Variants in ERC1 observed in about 807,000 individuals in gnomAD.
The protein encoded by ERC1 is ELKS/RAB6-interacting/CAST family member 1.
In ERC1, 56 loss-of-function variants were observed where a neutral mutation model predicts 132.0. The ratio of observed to expected loss-of-function variants is 0.42; its 90% CI spans 0.34 to 0.53. The LOEUF (loss-of-function observed/expected upper bound fraction) is 0.53. Among genes scored for constraint, ERC1 ranks in the 20% least tolerant of loss-of-function variants. ERC1 has a pLI of 0.03. For missense variants in ERC1, 1,202 were observed against 1,349.9 expected, an observed-to-expected ratio of 0.89 and a Z score of 1.72; for synonymous variants, 478 against 476.1, an observed-to-expected ratio of 1.00 and a Z score of -0.05.
At chr12:1,326,932 A>G (rs1035842778) in intron 15 of ERC1, among the ~76,000 whole-genome samples, 5 of 152,108 alleles carry the variant, frequency 3.3e-5, no homozygotes, top group African/African-American at 1.2e-4. Flanking sequence ...ATAATGTATA[A>G]TAAGCTGATG....
At chr12:1,190,365 T>C (rs1299265713) in intron 12 of ERC1, among the ~76,000 whole-genome samples, 1 of 152,198 alleles carries the variant, frequency 6.6e-6, no homozygotes, top group Non-Finnish European at 1.5e-5. Context: ...ATGTCTACTT[T>C]TTAATTTCTC....
At chr12:1,457,516 T>C (rs1202054664) in intron 18 of ERC1, among the ~76,000 whole-genome samples, 1 of 152,142 alleles carries the variant, frequency 6.6e-6, no homozygotes, top group Non-Finnish European at 1.5e-5. Flanking sequence ...ACCGTAAATA[T>C]TGCTACTCAA....
chr12:1,481,512 T>C (rs2094091698), intron 18 of ERC1, among the ~76,000 whole-genome samples: 3 of 152,090 alleles, frequency 2.0e-5, no homozygotes, highest in African/African-American at 7.2e-5. Context: ...CAAGAAAAAA[T>C]AGAATGGATC....
At chr12:1,374,518 T>C (rs2087636629) in intron 16 of ERC1, among the ~76,000 whole-genome samples, 1 of 152,208 alleles carries the variant, frequency 6.6e-6, no homozygotes, top group Non-Finnish European at 1.5e-5. Context: ...ACTCCAGATG[T>C]TCTGTGGTGG....
chr12:1,403,503 G>A (rs1053911862), intron 16 of ERC1, among the ~76,000 whole-genome samples: 1 of 152,106 alleles, frequency 6.6e-6, no homozygotes, highest in Non-Finnish European at 1.5e-5. Context: ...TAACTATGCA[G>A]GGAACAGACT....
At chr12:1,118,512 C>A (rs779177171) in intron 7 of ERC1, among the ~76,000 whole-genome samples, 57 of 152,288 alleles carry the variant, frequency 3.7e-4, no homozygotes, top group Non-Finnish European at 6.0e-4. Flanking sequence ...GTGATTATTT[C>A]TGTAAGTTAC....
chr12:1,420,977 T>G (rs2092405206), intron 17 of ERC1, among the ~76,000 whole-genome samples: 1 of 151,826 alleles, frequency 6.6e-6, no homozygotes, highest in Non-Finnish European at 1.5e-5. Context: ...TCTTTTCCTT[T>G]ATTATTATTT....
chr12:1,278,321 T>A (rs2078425383), intron 14 of ERC1, among the ~76,000 whole-genome samples: 1 of 152,216 alleles, frequency 6.6e-6, no homozygotes, highest in Admixed American at 6.5e-5. Flanking sequence ...AGAGGAATGA[T>A]AAAGTCTCTA....
intron 8 of ERC1, among the ~76,000 whole-genome samples, chr12:1,153,213 A>G (rs74057274): frequency 0.024 from 3,605 of 152,334 alleles, 144 homozygotes; most frequent in African/African-American, 0.08. Flanking sequence ...AAGAACACTG[A>G]GGTGACTCCT....
At chr12:1,038,437 C>T (rs1005911936) in intron 2 of ERC1, among the ~76,000 whole-genome samples, 1 of 151,890 alleles carries the variant, frequency 6.6e-6, no homozygotes, top group Non-Finnish European at 1.5e-5. Flanking sequence ...TCTCGGCTCA[C>T]TGCAACCTCC....
chr12:1,435,406 A>G (rs2092921427), intron 17 of ERC1, among the ~76,000 whole-genome samples: 1 of 152,060 alleles, frequency 6.6e-6, no homozygotes. Flanking sequence ...GCAGGTATAT[A>G]CCCCTGGCTT....
intron 2 of ERC1, among the ~76,000 whole-genome samples, chr12:1,062,036 G>T (rs1229814919): frequency 7.0e-6 from 1 of 143,818 alleles, no homozygotes; most frequent in Non-Finnish European, 1.5e-5. Flanking sequence ...TGTCACCCAG[G>T]CTGGAGTGCA....
intron 7 of ERC1, among the ~76,000 whole-genome samples, chr12:1,119,505 T>A (rs1427774845): frequency 2.0e-5 from 3 of 149,250 alleles, no homozygotes; most frequent in Non-Finnish European, 4.4e-5. Flanking sequence ...TTACTTTACT[T>A]CTTCTTTGTG....
At chr12:1,226,819 G>A (rs934032648) in intron 12 of ERC1, among the ~76,000 whole-genome samples, 1 of 152,162 alleles carries the variant, frequency 6.6e-6, no homozygotes, top group Non-Finnish European at 1.5e-5. Flanking sequence ...TGGGATTACA[G>A]GTGTGTACCA....
intron 18 of ERC1, 100 bp downstream of exon 18, chr12:1,444,850 A>G: frequency 9.8e-7 from 1 of 1,016,004 alleles, no homozygotes. Context: ...GTTGCCGTGT[A>G]GTTGATGCAG....
chr12:1,206,280 T>A (rs1957344649), intron 12 of ERC1, among the ~76,000 whole-genome samples: 1 of 152,082 alleles, frequency 6.6e-6, no homozygotes, highest in African/African-American at 2.4e-5. Context: ...AAAGAGAGTA[T>A]AATTTATTAC....
chr12:1,013,255 A>G (rs539109712), intron 1 of ERC1, among the ~76,000 whole-genome samples: 6 of 152,294 alleles, frequency 3.9e-5, no homozygotes, highest in South Asian at 2.1e-4. Flanking sequence ...TAAGTGGCGC[A>G]GATTGCTGTT....
chr12:1,116,143 T>C (rs1040783213), intron 7 of ERC1, 110 bp downstream of exon 7: 4 of 907,946 alleles, frequency 4.4e-6, no homozygotes, highest in Non-Finnish European at 6.7e-6. Context: ...AGTAATGTTA[T>C]GATTAATTCT....
At chr12:1,337,833 G>C (rs1446017360) in intron 15 of ERC1, among the ~76,000 whole-genome samples, 2 of 152,054 alleles carry the variant, frequency 1.3e-5, no homozygotes, top group African/African-American at 4.8e-5. Flanking sequence ...TTCTGGCTTG[G>C]AATTTCTTTA....
Sources: allele counts gnomAD v4.1 joint callset (sites outside exome capture counted in the v4.1 genomes callset), GRCh38; gene constraint gnomAD v4.1.1; transcripts MANE v1.5; gene names NCBI Gene and HGNC (gene_info 2026-07-23, HGNC 2026-07-21).